TEX15: variants seen among roughly 807,000 people sequenced by gnomAD.
TEX15 encodes the protein testis-expressed protein 15.
TEX15 carries 171 observed loss-of-function variants against 237.3 expected under a neutral mutation model. The ratio of observed to expected loss-of-function variants is 0.72; its 90% CI spans 0.64 to 0.82. The LOEUF (loss-of-function observed/expected upper bound fraction) is 0.82. TEX15 is among the 40% of genes least tolerant of loss of function. The pLI, the probability that TEX15 is intolerant of heterozygous loss-of-function variation, is 0.00. For synonymous variants in TEX15, 1,338 were observed against 1,269.8 expected (o/e 1.05, Z -1.14); for missense variants, 3,750 against 3,646.5 (o/e 1.03, Z -0.73).
chr8:30,872,288 G>T (rs1368116259), intron 4 of TEX15, among the ~76,000 whole-genome samples: 2 of 152,042 alleles, frequency 1.3e-5, no homozygotes, highest in Non-Finnish European at 2.9e-5. Flanking sequence ...GATTATAATG[G>T]AGCTGAAAAA....
At chr8:30,867,649 G>A in intron 4 of TEX15, 147 bp from the exon 5 acceptor site, 1 of 587,600 alleles carries the variant, frequency 1.7e-6, no homozygotes, top group Non-Finnish European at 3.0e-6. Flanking sequence ...AAATTTGGTT[G>A]AAAATCATCT....
At chr8:30,878,666 C>T (rs951844633) in intron 3 of TEX15, among the ~76,000 whole-genome samples, 1 of 152,114 alleles carries the variant, frequency 6.6e-6, no homozygotes, top group Non-Finnish European at 1.5e-5. Flanking sequence ...GGAATACATG[C>T]GTGAGCCACT....
chr8:30,837,729 A>G lies in TEX15; in HGVS notation c.8555T>C (p.Phe2852Ser). The G allele has an allele frequency of 1.2e-6, 2 of 1,614,104 alleles. No individual in the cohort carries two copies. The highest frequency in any genetic ancestry group is 1.7e-6 in the Non-Finnish European group (2 of 1,179,978). The change falls in exon 10 of 11, where the codon TTT (phenylalanine) becomes TCT (serine). Residue 2852 changes from phenylalanine (F) to serine (S), a missense_variant. Coordinates refer to ENST00000643185, the MANE Select transcript of TEX15 (RefSeq NM_001350162.2). ...ICDQKSVHGT[F>S]SPDHGTLLQK... ...CAAAAGCGTCCCATGGTCTGGTGAA[A>G]ATGTGCCATGTACACTTTTTTGGTC...
At position 30,843,197 on chromosome 8, in the gene TEX15, TG is replaced by T. The variant is rs1265343615; in HGVS notation, c.6969del (p.Asn2323LysfsTer15). On this transcript the variant is annotated frameshift_variant, in exon 8 of 11. Transcript: ENST00000643185. LOFTEE classifies it high-confidence loss of function. Reference sequence around the variant, plus strand: ...AGCCCAATAGGGGAAATTGGTTCATTGTTTAAATCTTTAGACAAAGTATCAT... The same window carrying T: ...AGCCCAATAGGGGAAATTGGTTCATTTTTAAATCTTTAGACAAAGTATCAT... The part of the protein sequence containing the change: ...KIYDTLSKDL[N>X]NEPISPIGLE... The T allele has an allele frequency of 6.2e-7, 1 of 1,613,404 alleles. No homozygotes were observed. The highest frequency in any genetic ancestry group is 1.3e-5 in the African/African-American group (1 of 74,922).
intron 3 of TEX15, among the ~76,000 whole-genome samples, chr8:30,877,075 T>C (rs1412915689): frequency 6.6e-6 from 1 of 152,078 alleles, no homozygotes; most frequent in African/African-American, 2.4e-5. Context: ...AAATCTTTTA[T>C]TAAAAAAAAT....
At chr8:30,841,713 C>T (rs1807456949) in intron 8 of TEX15, among the ~76,000 whole-genome samples, 2 of 152,142 alleles carry the variant, frequency 1.3e-5, no homozygotes, top group Non-Finnish European at 2.9e-5. Flanking sequence ...TAATATTGAA[C>T]TCCTTCTTAA....
At position 30,849,190 on chromosome 8, in the gene TEX15, T is replaced by C. The variant is rs759147274; in HGVS notation, c.977A>G (p.Asn326Ser). Reference sequence around the variant, plus strand: ...AGGATTTATCTCTGAATTTAGTGCATTGCATAAACAGTTTTCTTGAACAAA... The same window carrying C: ...AGGATTTATCTCTGAATTTAGTGCACTGCATAAACAGTTTTCTTGAACAAA... ...DPFVQENCLCNALNSEINPFI... is the reference protein window; with the variant it reads ...DPFVQENCLCSALNSEINPFI... The change falls in exon 8 of 11, where the codon AAT (asparagine) becomes AGT (serine). Residue 326 changes from asparagine to serine, a missense_variant. Asn to Ser is a conservative substitution (Grantham distance 46). Coordinates refer to ENST00000643185, the MANE Select transcript of TEX15 (RefSeq NM_001350162.2). 2.6e-5 allele frequency: 40 copies of C among 1,538,770 alleles called. No homozygotes were observed. Among genetic ancestry groups the C allele is most frequent in the South Asian group, 5.9e-5 (5 of 84,410 alleles).
chr8:30,848,769 A>G lies in TEX15; in HGVS notation c.1398T>C (p.Asn466=). Residue 466 remains asparagine (N), a synonymous_variant, in exon 8 of 11, where the codon AAT becomes AAC. Coordinates refer to ENST00000643185, the MANE Select transcript of TEX15 (RefSeq NM_001350162.2). The stretch of plus-strand genomic sequence containing the variant: ...TAGATGGTGTCGATTTTATTTCTGA[A>G]TTAACATTATCTGAACTCTTCTCAA... ...LQFEKSSDNV[N]SEIKSTPSNS... is the part of the protein sequence containing the mutation. The G allele has an allele frequency of 6.2e-7, 1 of 1,614,152 alleles. No individual in the cohort carries two copies. The highest frequency in any genetic ancestry group is 8.5e-7 in the Non-Finnish European group (1 of 1,180,032).
chr8:30,881,663 C>T (rs2128774822), intron 3 of TEX15, among the ~76,000 whole-genome samples: 1 of 136,902 alleles, frequency 7.3e-6, no homozygotes, highest in Middle Eastern at 4.0e-3. Context: ...GCTCTGTCAC[C>T]CAGGCTGGAG....
Position 30,845,172 on chromosome 8 carries a change from G to A in TEX15, c.4995C>T (p.Leu1665=), listed in dbSNP as rs531095770. ...ATAAAATAAGGTTACCTTGTTGGTA[G>A]AGATCATTTAAAAAGTGCTTCACAT... The part of the protein sequence containing the change: ...DSNVKHFLND[L]YQQGNLILSD... Residue 1665 remains leucine, a synonymous_variant, in exon 8 of 11, where the codon CTC becomes CTT. Transcript: ENST00000643185. 41 of 1,613,472 alleles carry A rather than the reference G, an allele frequency of 2.5e-5. No individual in the cohort carries two copies. The South Asian group carries it at 2.9e-4, about 11-fold the overall frequency.
chr8:30,855,644 G>A (rs950382445), intron 7 of TEX15, among the ~76,000 whole-genome samples: 3 of 152,094 alleles, frequency 2.0e-5, no homozygotes, highest in South Asian at 2.1e-4. Context: ...ACTTGTATGC[G>A]AATATTCATA....
At chr8:30,873,688 G>A (rs1448450557) in intron 4 of TEX15, among the ~76,000 whole-genome samples, 1 of 152,084 alleles carries the variant, frequency 6.6e-6, no homozygotes, top group Admixed American at 6.6e-5. Flanking sequence ...ATTCAAACTG[G>A]CTTGTGTTGC....
chr8:30,861,350 A>G (rs1238302668), intron 5 of TEX15, among the ~76,000 whole-genome samples: 1 of 152,228 alleles, frequency 6.6e-6, no homozygotes, highest in Non-Finnish European at 1.5e-5. Context: ...AAACTTCACA[A>G]CATAATATTC....
Position 30,842,253 on chromosome 8 carries a change from TAGGAAAA to T in TEX15, c.7907_7913del (p.Phe2636TyrfsTer14). ...TCCTTCTGTTATACAGCATTTGGCA[TAGGAAAA>T]AGGAAATGGTTAGTTCAGCATTTTT... On this transcript the variant is annotated frameshift_variant, in exon 8 of 11. Coordinates refer to ENST00000643185, the MANE Select transcript of TEX15 (RefSeq NM_001350162.2). LOFTEE classifies it high-confidence loss of function. 6.2e-7 allele frequency: 1 copy of T among 1,613,666 alleles called. No homozygotes were observed. Among genetic ancestry groups the T allele is most frequent in the Non-Finnish European group, 8.5e-7 (1 of 1,179,772 alleles).
chr8:30,856,102 T>C (rs1807905882), intron 7 of TEX15, among the ~76,000 whole-genome samples: 1 of 152,036 alleles, frequency 6.6e-6, no homozygotes, highest in Non-Finnish European at 1.5e-5. Context: ...CCTGGCACCA[T>C]GCCCAACTAA....
At chr8:30,887,419 C>T in intron 2 of TEX15, 108 bp from the exon 3 acceptor site, 1 of 1,019,146 alleles carries the variant, frequency 9.8e-7, no homozygotes, top group Non-Finnish European at 1.3e-6. Context: ...GTAAAATGTT[C>T]TTAGTCAACT....
chr8:30,849,294 G>A lies in TEX15; in HGVS notation c.873C>T (p.Asn291=), dbSNP rs761823947. ...KRAERTCSLN[N]CTVAKRFGKG... is the part of the protein sequence containing the mutation. ...TTCCAAATCTTTTGGCCACTGTACA[G>A]TTATTCAGAGAGCATGTCCTTTCTG... The change falls in exon 8 of 11, where the codon AAC becomes AAT. Residue 291 remains asparagine, a synonymous_variant. Transcript: ENST00000643185. 2 of 1,522,698 alleles carry A rather than the reference G, an allele frequency of 1.3e-6. No homozygotes were observed. The highest frequency in any genetic ancestry group is 1.8e-6 in the Non-Finnish European group (2 of 1,142,150). 94.3% of individuals were successfully genotyped at this position (1,522,698 alleles called of 1,614,324 possible).
intron 1 of TEX15, among the ~76,000 whole-genome samples, chr8:30,911,757 C>T (rs572433110): frequency 1.1e-3 from 160 of 152,302 alleles, no homozygotes; most frequent in African/African-American, 3.8e-3. Context: ...CCCGACACAG[C>T]CAGCGCGGTG....
intron 9 of TEX15, among the ~76,000 whole-genome samples, chr8:30,839,036 CA>C (rs1255305000): frequency 6.6e-6 from 1 of 151,742 alleles, no homozygotes; most frequent in Non-Finnish European, 1.5e-5. Context: ...GGCTGATCTC[CA>C]ACTCCTGACC....
Sources: gnomAD v4.1 joint callset for allele counts (sites outside exome capture counted in the v4.1 genomes callset) on GRCh38, gnomAD v4.1.1 for gene constraint, MANE v1.5 for transcripts, NCBI Gene and HGNC (gene_info 2026-07-23, HGNC 2026-07-21) for gene names.